Variants in TDRD10 observed in about 807,000 individuals in gnomAD.
The protein encoded by TDRD10 is tudor domain-containing protein 10.
A neutral mutation model predicts 48.0 loss-of-function variants in TDRD10; 40 were observed. The ratio of observed to expected loss-of-function variants is 0.83; its 90% CI spans 0.65 to 1.09. TDRD10 has a LOEUF of 1.09. TDRD10 is among the 50% of genes least tolerant of loss of function. The pLI is 0.00. For synonymous variants in TDRD10, 162 were observed against 170.4 expected (o/e 0.95, Z 0.38); for missense variants, 378 against 434.7 (o/e 0.87, Z 1.16).
At chr1:154,505,117 G>C (rs1323575855) in intron 1 of TDRD10, among the ~76,000 whole-genome samples, 2 of 152,188 alleles carry the variant, frequency 1.3e-5, no homozygotes, top group East Asian at 1.9e-4. Context: ...ACGAAAACAG[G>C]CTTCTCCCAT....
At chr1:154,538,793 C>T (rs1177043179) in intron 6 of TDRD10, among the ~76,000 whole-genome samples, 1 of 100,722 alleles carries the variant, frequency 9.9e-6, no homozygotes, top group Non-Finnish European at 2.3e-5. Flanking sequence ...GCAGAGCTTG[C>T]AGTGAGCCTA....
At chr1:154,515,053 A>T (rs558667692) in intron 4 of TDRD10, among the ~76,000 whole-genome samples, 54 of 151,934 alleles carry the variant, frequency 3.6e-4, no homozygotes, top group African/African-American at 1.3e-3. Context: ...TTTTTAGTAG[A>T]GACGGGGCTT....
rs1367356231 is a variant in TDRD10 at position 154,530,439 on chromosome 1, T to A, written c.369+8960T>A. 3.2e-3 allele frequency among the ~76,000 whole-genome samples: 491 copies of A among 151,512 alleles called. 2 individuals are homozygous for A. The highest frequency in any genetic ancestry group is 0.011 in the African/African-American group (468 of 41,276). ...TTAAGTTTTTTTCATTAAATTTTTT[T>A]TTTCTTTTGAAACAGAGGTGGGGTT... On this transcript the variant is annotated intron_variant, in intron 6 of 12. Transcript: ENST00000368482.
chr1:154,506,272 G>A (rs1053343694), intron 1 of TDRD10, among the ~76,000 whole-genome samples: 4 of 152,046 alleles, frequency 2.6e-5, no homozygotes, highest in Non-Finnish European at 5.9e-5. Flanking sequence ...GAGGCTGCCA[G>A]CATTCCATGG....
intron 3 of TDRD10, among the ~76,000 whole-genome samples, chr1:154,508,170 G>T (rs745769096): frequency 2.0e-5 from 3 of 152,168 alleles, no homozygotes; most frequent in Non-Finnish European, 4.4e-5. Flanking sequence ...TGTTCATGGG[G>T]GTGGGAGGAT....
chr1:154,510,593 A>AAAAAAC (rs368484050), intron 4 of TDRD10, among the ~76,000 whole-genome samples: 4 of 151,882 alleles, frequency 2.6e-5, no homozygotes, highest in East Asian at 3.9e-4. Context: ...CTCCATCTCA[A>AAAAAAC]AAAAACAAAA....
At chr1:154,538,409 G>C (rs1010167267) in intron 6 of TDRD10, among the ~76,000 whole-genome samples, 1 of 151,872 alleles carries the variant, frequency 6.6e-6, no homozygotes. Flanking sequence ...AATTAGCTGG[G>C]TATGGTGGCG....
At chr1:154,544,139 C>A in intron 9 of TDRD10, 29 bp downstream of exon 9, 1 of 1,613,818 alleles carries the variant, frequency 6.2e-7, no homozygotes. Flanking sequence ...CCCCCTCAGG[C>A]TCCTGTGCCT....
chr1:154,528,383 G>A (rs534207246), intron 6 of TDRD10, among the ~76,000 whole-genome samples: 2 of 150,418 alleles, frequency 1.3e-5, no homozygotes, highest in Admixed American at 6.7e-5. Context: ...ACCACCACGC[G>A]CAGCAAATTT....
Position 154,547,681 on chromosome 1 carries a change from C to G in TDRD10, c.1027C>G (p.His343Asp). The change falls in exon 13 of 13, where the codon CAC becomes GAC. Residue 343 changes from histidine to aspartate, a missense_variant. By Grantham distance (81) the His-to-Asp change is moderately conservative (BLOSUM62 -1). Coordinates refer to ENST00000368482, the MANE Select transcript of TDRD10 (RefSeq NM_182499.4). Reference sequence around the variant, plus strand: ...AGGCTTTGTCTTTCTCTTCCAGTTGCACATCCTAAAGTTTGAAGAGTCTAA... The same window carrying G: ...AGGCTTTGTCTTTCTCTTCCAGTTGGACATCCTAAAGTTTGAAGAGTCTAA... ...KITGALNSAL[H>D]ILKFEESK is the part of the protein sequence containing the mutation. The G allele has an allele frequency of 6.2e-7, 1 of 1,614,108 alleles. No individual in the cohort carries two copies. Among genetic ancestry groups the G allele is most frequent in the Non-Finnish European group, 8.5e-7 (1 of 1,179,986 alleles).
Position 154,544,025 on chromosome 1 carries a change from T to C in TDRD10, c.566T>C (p.Ile189Thr), listed in dbSNP as rs780852581. 20 of 1,614,048 alleles carry C rather than the reference T, an allele frequency of 1.2e-5. No homozygotes were observed. The highest frequency in any genetic ancestry group is 1.7e-5 in the Non-Finnish European group (20 of 1,179,984). ...CFRDLSWLAL[I>T]HSVRGEAGLL... ...CGAGACCTGAGCTGGCTGGCACTCA[T>C]CCATAGCGTCCGTGGGGAGGCGGGG... The change falls in exon 9 of 13, where the codon ATC becomes ACC. Residue 189 changes from isoleucine to threonine, a missense_variant. By Grantham distance (89) the Ile-to-Thr change is moderately conservative. This residue lies in a region of TDRD10 where 310 missense variants were observed against 323.6 expected (regional missense o/e 0.96). Coordinates refer to ENST00000368482, the MANE Select transcript of TDRD10 (RefSeq NM_182499.4).
intron 4 of TDRD10, among the ~76,000 whole-genome samples, chr1:154,514,781 G>C (rs372235651): frequency 4.2e-4 from 64 of 152,096 alleles, no homozygotes; most frequent in African/African-American, 1.3e-3. Context: ...TCGACCTCCC[G>C]GGCCCAAGCA....
intron 6 of TDRD10, among the ~76,000 whole-genome samples, chr1:154,527,304 A>T (rs1694368030): frequency 6.6e-6 from 1 of 152,252 alleles, no homozygotes. Context: ...CAGTTTGACC[A>T]ATAAAATATA....
At chr1:154,507,003 A>T (rs542030390) in intron 2 of TDRD10, 98 bp downstream of exon 2, 1 of 1,608,348 alleles carries the variant, frequency 6.2e-7, no homozygotes, top group African/African-American at 1.3e-5. Flanking sequence ...CTTAAGAGTC[A>T]CCCCTGGCAT....
intron 4 of TDRD10, among the ~76,000 whole-genome samples, chr1:154,518,959 T>C (rs1340157921): frequency 6.6e-6 from 1 of 152,176 alleles, no homozygotes; most frequent in African/African-American, 2.4e-5. Flanking sequence ...CTTTGCACAA[T>C]ATAATGGAAA....
chr1:154,540,869 A>AGTAT (rs1227695921), intron 6 of TDRD10, among the ~76,000 whole-genome samples: 1 of 152,218 alleles, frequency 6.6e-6, no homozygotes, highest in Non-Finnish European at 1.5e-5. Context: ...AGAACCAGAT[A>AGTAT]CATGTGATGC....
chr1:154,507,729 T>C (rs935929953), intron 3 of TDRD10, among the ~76,000 whole-genome samples: 2 of 152,220 alleles, frequency 1.3e-5, no homozygotes, highest in Non-Finnish European at 2.9e-5. Flanking sequence ...TTTCATAGTT[T>C]GGCCTCACCT....
intron 6 of TDRD10, among the ~76,000 whole-genome samples, chr1:154,534,195 G>A: frequency 6.6e-6 from 1 of 152,178 alleles, no homozygotes; most frequent in East Asian, 1.9e-4. Context: ...ACTCATGACA[G>A]ACAGTAAGGC....
chr1:154,507,186 C>G, intron 2 of TDRD10, 55 bp from the exon 3 acceptor site: 3 of 1,607,962 alleles, frequency 1.9e-6, no homozygotes, highest in Non-Finnish European at 2.5e-6. Context: ...TGACACGTTT[C>G]CTTTTGTCGG....
Sources: allele counts gnomAD v4.1 joint callset (sites outside exome capture counted in the v4.1 genomes callset), GRCh38; gene constraint gnomAD v4.1.1; regional missense constraint gnomAD v4.1.1; transcripts MANE v1.5; gene names NCBI Gene and HGNC (gene_info 2026-07-23, HGNC 2026-07-21).